ZNF329: variants seen among roughly 807,000 people sequenced by gnomAD.
The protein encoded by ZNF329 is zinc finger protein 329.
A neutral mutation model predicts 26.6 loss-of-function variants in ZNF329; 15 were observed. The ratio of observed to expected loss-of-function variants is 0.56; its 90% CI spans 0.38 to 0.87. The LOEUF (loss-of-function observed/expected upper bound fraction) is 0.87. Ranked by LOEUF, ZNF329 falls within the 40% of genes least tolerant of loss-of-function variation. The pLI, the probability that ZNF329 is intolerant of heterozygous loss-of-function variation, is 0.00. For missense variants in ZNF329, 651 were observed against 651.9 expected, an observed-to-expected ratio of 1.00 and a Z score of 0.02; for synonymous variants, 239 against 233.5, an observed-to-expected ratio of 1.02 and a Z score of -0.21.
upstream of ZNF329, among the ~76,000 whole-genome samples, chr19:58,151,460 G>C (rs2075451061): frequency 6.6e-6 from 1 of 152,116 alleles, no homozygotes; most frequent in Non-Finnish European, 1.5e-5. Flanking sequence ...AATTAGCTAG[G>C]CGTGGTGGCA....
At chr19:58,142,911 A>C (rs1320618565) in intron 2 of ZNF329, among the ~76,000 whole-genome samples, 194 bp downstream of exon 2, 1 of 152,190 alleles carries the variant, frequency 6.6e-6, no homozygotes, top group African/African-American at 2.4e-5. Flanking sequence ...CAGGAAGTTC[A>C]AACTATGCAA....
Position 58,128,468 on chromosome 19 carries a change from TAC to T in ZNF329, c.1034_1035del (p.Cys345Ter), listed in dbSNP as rs772279331. 16 of 1,613,418 alleles carry T rather than the reference TAC, an allele frequency of 9.9e-6. No individual in the cohort carries two copies. Among genetic ancestry groups the T allele is most frequent in the Admixed American group, 6.7e-5 (4 of 59,950 alleles). On this transcript the variant is annotated frameshift_variant, in exon 4 of 4. Coordinates refer to ENST00000598312, the MANE Select transcript of ZNF329 (RefSeq NM_024620.4). LOFTEE classifies it high-confidence loss of function. ...TCCCGGAAAGCCTTTCCACATTTGC[TAC>T]ACTCATAGGGCTTCTCACCGGTGTG... ...RIHTGEKPYE[C>X]SKCGKAFRDG...
chr19:58,154,750 G>A (rs1202881523), upstream of ZNF329: 1 of 152,322 alleles, frequency 6.6e-6, no homozygotes, highest in African/African-American at 2.4e-5. Context: ...CAGGTGTCCG[G>A]GGAACGGCTC....
At chr19:58,145,376 T>TA (rs1363029127) in intron 1 of ZNF329, among the ~76,000 whole-genome samples, 1 of 146,172 alleles carries the variant, frequency 6.8e-6, no homozygotes, top group African/African-American at 2.6e-5. Flanking sequence ...GGCTGGAGTG[T>TA]AGTGGCATGA....
chr19:58,128,834 T>C lies in ZNF329; in HGVS notation c.670A>G (p.Thr224Ala), dbSNP rs1568656778. Residue 224 changes from threonine to alanine, a missense_variant, in exon 4 of 4, where the codon ACT (threonine) becomes GCT (alanine). By Grantham distance (58) the Thr-to-Ala change is moderately conservative (BLOSUM62 0). Transcript: ENST00000598312. Reference protein sequence around the residue: ...RNSSLVLHHRTHTGEKPYTCN... With the variant: ...RNSSLVLHHRAHTGEKPYTCN... ...GTATAAGGCTTCTCTCCGGTGTGAG[T>C]TCGGTGATGCAAAACAAGAGAAGAG... 6.2e-7 allele frequency: 1 copy of C among 1,609,878 alleles called. No individual in the cohort carries two copies. Among genetic ancestry groups the C allele is most frequent in the Non-Finnish European group, 8.5e-7 (1 of 1,178,260 alleles).
rs374573148 is a variant in ZNF329 at position 58,129,262 on chromosome 19, G to A, written c.242C>T (p.Pro81Leu). The part of the protein sequence containing the change: ...EHLIASSDLP[P>L]SQRVLATNGF... ...ATTTGTTGCCAGAACTCTCTGAGAC[G>A]GTGGAAGGTCTGAGCTTGCAATCAA... Residue 81 changes from proline (P) to leucine (L), a missense_variant, in exon 4 of 4, where the codon CCG becomes CTG. Physicochemically the swap from Pro to Leu is moderately conservative, Grantham distance 98 (BLOSUM62 -3). Transcript: ENST00000598312. 1.1e-5 allele frequency: 17 copies of A among 1,614,034 alleles called. No homozygotes were observed. Among genetic ancestry groups the A allele is most frequent in the Admixed American group, 1.7e-5 (1 of 59,996 alleles).
chr19:58,128,631 C>T lies in ZNF329; in HGVS notation c.873G>A (p.Glu291=). The part of the protein sequence containing the change: ...HTGEKPYECL[E]CGKTFNRNSS... ...AATTTCGGTTGAAGGTTTTTCCACA[C>T]TCTAGGCATTCATAAGGTTTCTCGC... The change falls in exon 4 of 4, where the codon GAG becomes GAA. Residue 291 remains glutamate (E), a synonymous_variant. Transcript: ENST00000598312. 6.2e-7 allele frequency: 1 copy of T among 1,607,242 alleles called. No individual in the cohort carries two copies. Among genetic ancestry groups the T allele is most frequent in the South Asian group, 1.1e-5 (1 of 89,952 alleles).
upstream of ZNF329, chr19:58,150,837 G>T (rs1042538822): frequency 2.0e-5 from 3 of 152,688 alleles, no homozygotes; most frequent in African/African-American, 7.2e-5. Context: ...CGGAGTCCCC[G>T]AGCTTCCCCC....
chr19:58,128,891 A>G lies in ZNF329; in HGVS notation c.613T>C (p.Cys205Arg). 1 of 1,614,088 alleles carries G rather than the reference A, an allele frequency of 6.2e-7. No individual in the cohort carries two copies. The highest frequency in any genetic ancestry group is 8.5e-7 in the Non-Finnish European group (1 of 1,180,004). The change falls in exon 4 of 4, where the codon TGT (cysteine) becomes CGT (arginine). Residue 205 changes from cysteine (C) to arginine (R), a missense_variant. Physicochemically the swap from Cys to Arg is radical, Grantham distance 180 (BLOSUM62 -3). Coordinates refer to ENST00000598312, the MANE Select transcript of ZNF329 (RefSeq NM_024620.4). ...RNLPGEKQYR[C>R]TECGKCFKRN... Reference sequence around the variant, plus strand: ...TTGAAGCATTTGCCACATTCAGTACATCTATATTGTTTCTCTCCAGGGAGA... The same window carrying G: ...TTGAAGCATTTGCCACATTCAGTACGTCTATATTGTTTCTCTCCAGGGAGA...
chr19:58,149,528 A>C (rs978822923), intron 1 of ZNF329, among the ~76,000 whole-genome samples: 1 of 152,172 alleles, frequency 6.6e-6, no homozygotes, highest in Non-Finnish European at 1.5e-5. Flanking sequence ...TGGTTTTAGA[A>C]GTGTTAAACT....
chr19:58,137,058 TAAA>T (rs11355450), intron 3 of ZNF329: 11 of 123,882 alleles, frequency 8.9e-5, no homozygotes, highest in East Asian at 4.7e-4. Context: ...TAAGTACAGA[TAAA>T]AAAAAAAAAA....
chr19:58,141,329 C>T (rs1007405971), intron 3 of ZNF329, among the ~76,000 whole-genome samples: 7 of 151,586 alleles, frequency 4.6e-5, no homozygotes, highest in Non-Finnish European at 1.0e-4. Flanking sequence ...GACAGAGTCT[C>T]GCTGTGTTGC....
intron 1 of ZNF329, among the ~76,000 whole-genome samples, chr19:58,149,081 T>C (rs1330272335): frequency 6.6e-6 from 1 of 152,130 alleles, no homozygotes; most frequent in Non-Finnish European, 1.5e-5. Flanking sequence ...GCAGTAAAGG[T>C]GGCTAAAACC....
chr19:58,148,171 GTTA>G (rs2075368682), intron 1 of ZNF329, among the ~76,000 whole-genome samples: 1 of 151,826 alleles, frequency 6.6e-6, no homozygotes, highest in South Asian at 2.1e-4. Context: ...GATGTGCTTT[GTTA>G]AACAGATGCT....
intron 3 of ZNF329, among the ~76,000 whole-genome samples, chr19:58,140,142 C>T (rs7249260): frequency 0.021 from 3,178 of 152,198 alleles, 107 homozygotes; most frequent in African/African-American, 0.071. Context: ...AGGTGGAACC[C>T]GCATGAATGG....
chr19:58,144,391 T>C (rs925213870), intron 1 of ZNF329, among the ~76,000 whole-genome samples: 1 of 111,808 alleles, frequency 8.9e-6, no homozygotes, highest in Non-Finnish European at 2.1e-5. Context: ...TATATATATA[T>C]ATATATTTTT....
intron 3 of ZNF329, among the ~76,000 whole-genome samples, chr19:58,138,027 T>C (rs1197418384): frequency 2.0e-5 from 3 of 152,110 alleles, no homozygotes; most frequent in Non-Finnish European, 4.4e-5. Context: ...ACATAAGTGA[T>C]ATTAATTGTC....
At chr19:58,131,940 A>G (rs988448483) in intron 3 of ZNF329, among the ~76,000 whole-genome samples, 1 of 149,922 alleles carries the variant, frequency 6.7e-6, no homozygotes, top group African/African-American at 2.5e-5. Context: ...GGAGAATGGC[A>G]TGAACCCGGG....
chr19:58,137,265 C>T (rs757380548), intron 3 of ZNF329, among the ~76,000 whole-genome samples: 2 of 152,028 alleles, frequency 1.3e-5, no homozygotes, highest in Non-Finnish European at 2.9e-5. Context: ...ATAAAAATCA[C>T]AGCAGAGGCT....
Sources: allele counts gnomAD v4.1 joint callset (sites outside exome capture counted in the v4.1 genomes callset), GRCh38; gene constraint gnomAD v4.1.1; transcripts MANE v1.5; gene names NCBI Gene and HGNC (gene_info 2026-07-23, HGNC 2026-07-21).